DPP6: variants seen among roughly 807,000 people sequenced by gnomAD.
DPP6 encodes dipeptidyl peptidase like 6, also known as A-type potassium channel modulatory protein DPP6.
Under a neutral mutation model 122.6 loss-of-function variants are expected in DPP6, and 69 were observed. The observed-to-expected ratio is 0.56, with a 90% CI of 0.46 to 0.69. DPP6 has a LOEUF of 0.69. Ranked by LOEUF, DPP6 falls within the 30% of genes least tolerant of loss-of-function variation. The pLI, the probability that DPP6 is intolerant of heterozygous loss-of-function variation, is 0.00. For synonymous variants in DPP6, 418 were observed against 433.1 expected, an observed-to-expected ratio of 0.97 and a Z score of 0.43; for missense variants, 928 against 1,116.9, an observed-to-expected ratio of 0.83 and a Z score of 2.41.
intron 1 of DPP6, among the ~76,000 whole-genome samples, chr7:154,416,543 T>C (rs188549621): frequency 1.2e-3 from 178 of 152,324 alleles, no homozygotes; most frequent in Admixed American, 2.1e-3. Context: ...ATAAAATCTC[T>C]TACTGTGCCT....
At chr7:154,665,242 C>A (rs776788798) in intron 6 of DPP6, among the ~76,000 whole-genome samples, 27 of 152,108 alleles carry the variant, frequency 1.8e-4, no homozygotes, top group Non-Finnish European at 2.6e-4. Flanking sequence ...TGCATTATAT[C>A]CAATGGGCTC....
chr7:154,192,488 T>A (rs1376697514), intron 1 of DPP6, among the ~76,000 whole-genome samples: 1 of 152,212 alleles, frequency 6.6e-6, no homozygotes, highest in East Asian at 1.9e-4. Flanking sequence ...TAAGAAGGCC[T>A]CCACTGAACT....
Position 154,743,429 on chromosome 7 carries a change from G to A in DPP6, c.883+15542G>A, listed in dbSNP as rs967875570. On this transcript the variant is annotated intron_variant, in intron 8 of 25. Transcript: ENST00000377770. ...AAAAGAATGGAGTTTTGTGCACTGC[G>A]ATTTTCCAAAGCACATAATGCTTAG... 2.6e-5 allele frequency among the ~76,000 whole-genome samples: 4 copies of A among 152,166 alleles called. No homozygotes were observed. The South Asian group carries it at 6.2e-4, about 24-fold the overall frequency.
intron 3 of DPP6, among the ~76,000 whole-genome samples, chr7:154,498,905 T>C (rs1192807372): frequency 6.6e-6 from 1 of 152,150 alleles, no homozygotes; most frequent in East Asian, 1.9e-4. Context: ...TGTTGAGAAA[T>C]TACTATTCTA....
chr7:154,108,000 A>G (rs1806295078), intron 1 of DPP6, among the ~76,000 whole-genome samples: 1 of 152,240 alleles, frequency 6.6e-6, no homozygotes, highest in Non-Finnish European at 1.5e-5. Context: ...TGAATTTAAT[A>G]ACAAATAAAT....
chr7:154,775,604 C>T (rs1012180409), intron 10 of DPP6, among the ~76,000 whole-genome samples: 25 of 152,230 alleles, frequency 1.6e-4, no homozygotes, highest in Admixed American at 3.9e-4. Flanking sequence ...ATAGAACCAT[C>T]GAGAAGCTAG....
intron 1 of DPP6, chr7:154,305,335 T>TTGGGGGGC: frequency 9.8e-7 from 1 of 1,024,758 alleles, no homozygotes; most frequent in Non-Finnish European, 1.2e-6. Flanking sequence ...TCGTCTTGTC[T>TTGGGGGGC]ACCCACCCTC....
intron 3 of DPP6, among the ~76,000 whole-genome samples, chr7:154,518,035 C>T (rs536406796): frequency 4.4e-4 from 67 of 152,258 alleles, no homozygotes; most frequent in African/African-American, 1.5e-3. Flanking sequence ...AAGATTGCTA[C>T]GATGCCTTTG....
intron 1 of DPP6, among the ~76,000 whole-genome samples, chr7:153,969,321 T>C (rs1563060502): frequency 7.0e-6 from 1 of 143,830 alleles, no homozygotes; most frequent in Non-Finnish European, 1.5e-5. Context: ...TTGTAAGCCT[T>C]TGGTTATTTT....
At chr7:153,829,276 C>T in the DPP6 span, among the ~76,000 whole-genome samples, 9 of 152,110 alleles carry the variant, frequency 5.9e-5, no homozygotes, top group Admixed American at 1.3e-4. Flanking sequence ...TGCAGTGGTG[C>T]GATCTCGGGG....
chr7:153,923,223 T>G (rs1252299448), intron 1 of DPP6, among the ~76,000 whole-genome samples: 1 of 152,182 alleles, frequency 6.6e-6, no homozygotes, highest in Admixed American at 6.5e-5. Context: ...TCTCTTTATG[T>G]TGAAAATTAT....
At chr7:154,584,468 G>A (rs1282101814) in intron 5 of DPP6, among the ~76,000 whole-genome samples, 8 of 152,226 alleles carry the variant, frequency 5.3e-5, no homozygotes, top group Non-Finnish European at 8.8e-5. Flanking sequence ...AGGTGGCTTG[G>A]GACATGGCTG....
rs1185403480 is a variant in DPP6 at position 154,076,463 on chromosome 7, T to A, written c.243+23400T>A. 2.7e-5 allele frequency among the ~76,000 whole-genome samples: 4 copies of A among 150,328 alleles called. No homozygotes were observed. The East Asian group carries it at 7.9e-4, about 30-fold the overall frequency. On this transcript the variant is annotated intron_variant, in intron 1 of 25. Coordinates refer to ENST00000377770, the MANE Select transcript of DPP6 (RefSeq NM_130797.4). ...AAAACTCCATAACAAAAATAAATAA[T>A]AAATTTTTAAAAAGCAGACCAGAAA...
chr7:154,385,814 A>G (rs538345458), intron 1 of DPP6, among the ~76,000 whole-genome samples: 6 of 152,304 alleles, frequency 3.9e-5, no homozygotes, highest in South Asian at 2.1e-4. Flanking sequence ...TGATTACTCA[A>G]TAAGTGAGTC....
At chr7:154,569,305 A>C (rs1370873264) in intron 5 of DPP6, among the ~76,000 whole-genome samples, 1 of 152,050 alleles carries the variant, frequency 6.6e-6, no homozygotes, top group African/African-American at 2.4e-5. Flanking sequence ...TGTTATTGCT[A>C]GTATTGTATT....
At chr7:154,060,387 GCT>G (rs1801597492) in intron 1 of DPP6, among the ~76,000 whole-genome samples, 3 of 107,692 alleles carry the variant, frequency 2.8e-5, no homozygotes, top group Non-Finnish European at 3.9e-5. Flanking sequence ...TCCCCCACTG[GCT>G]CTTAGGACCC....
intron 10 of DPP6, among the ~76,000 whole-genome samples, chr7:154,773,768 A>T (rs1452154307): frequency 6.6e-6 from 1 of 152,184 alleles, no homozygotes; most frequent in Non-Finnish European, 1.5e-5. Flanking sequence ...GGCCTTTATT[A>T]TTCCATTCAA....
At chr7:154,124,393 A>G (rs1585426025) in intron 1 of DPP6, among the ~76,000 whole-genome samples, 3 of 152,184 alleles carry the variant, frequency 2.0e-5, no homozygotes, top group East Asian at 3.9e-4. Context: ...CAGAGGCTGG[A>G]GAGGGGCAGG....
chr7:153,999,342 A>C (rs1248855179), intron 1 of DPP6, among the ~76,000 whole-genome samples: 4 of 152,254 alleles, frequency 2.6e-5, no homozygotes, highest in Admixed American at 2.0e-4. Context: ...CCCTGCAAGC[A>C]GTATGGAAAC....
Sources: allele counts gnomAD v4.1 joint callset (sites outside exome capture counted in the v4.1 genomes callset), GRCh38; gene constraint gnomAD v4.1.1; transcripts MANE v1.5; gene names NCBI Gene and HGNC (gene_info 2026-07-23, HGNC 2026-07-21).